The following PAFAH1B1 variants were observed in gnomAD, a reference collection of about 807,000 sequenced individuals.
PAFAH1B1 encodes the protein platelet-activating factor acetylhydrolase IB subunit beta.
PAFAH1B1 carries 2 observed loss-of-function variants against 57.5 expected under a neutral mutation model. The observed-to-expected ratio is 0.03, with a 90% CI of 0.01 to 0.11. PAFAH1B1 has a LOEUF of 0.11. Ranked by LOEUF, PAFAH1B1 falls within the 10% of genes least tolerant of loss-of-function variation. The pLI is 1.00. For missense variants in PAFAH1B1, 257 were observed against 512.0 expected (o/e 0.50, Z 4.81); for synonymous variants, 152 against 169.6 (o/e 0.90, Z 0.81).
At chr17:2,622,838 T>G (rs571054969) in intron 1 of PAFAH1B1, among the ~76,000 whole-genome samples, 1 of 152,378 alleles carries the variant, frequency 6.6e-6, no homozygotes, top group East Asian at 1.9e-4. Context: ...TGCCTGGGCA[T>G]CTGGACGTTT....
chr17:2,600,985 G>C (rs1364991810), intron 1 of PAFAH1B1, among the ~76,000 whole-genome samples: 1 of 152,026 alleles, frequency 6.6e-6, no homozygotes, highest in Admixed American at 6.6e-5. Flanking sequence ...ACCCACTTCA[G>C]TGTCTGAAAG....
chr17:2,625,897 A>G (rs548911460), intron 1 of PAFAH1B1, among the ~76,000 whole-genome samples: 1 of 152,210 alleles, frequency 6.6e-6, no homozygotes, highest in African/African-American at 2.4e-5. Context: ...ATGATCGATC[A>G]TGCCATTGCT....
intron 1 of PAFAH1B1, among the ~76,000 whole-genome samples, chr17:2,606,488 G>A (rs557456180): frequency 6.6e-6 from 1 of 151,906 alleles, no homozygotes; most frequent in African/African-American, 2.4e-5. Flanking sequence ...TCAGCATCCT[G>A]AGTAGCTGGA....
chr17:2,636,236 C>G (rs2068623450), intron 1 of PAFAH1B1, among the ~76,000 whole-genome samples: 2 of 152,158 alleles, frequency 1.3e-5, no homozygotes, highest in Non-Finnish European at 2.9e-5. Context: ...CTGATTCCAA[C>G]CATATTTCTC....
intron 6 of PAFAH1B1, among the ~76,000 whole-genome samples, chr17:2,671,171 G>A (rs2069174807): frequency 6.6e-6 from 1 of 151,934 alleles, no homozygotes; most frequent in South Asian, 2.1e-4. Flanking sequence ...ATAATTACAG[G>A]AATTCCACGC....
chr17:2,598,578 C>T (rs1177616348), intron 1 of PAFAH1B1, among the ~76,000 whole-genome samples: 1 of 150,558 alleles, frequency 6.6e-6, no homozygotes. Flanking sequence ...TTTATTATGT[C>T]ATCTACAGTA....
Position 2,683,077 on chromosome 17 carries a change from T to G in PAFAH1B1, c.*1275T>G, listed in dbSNP as rs1420176208. The G allele has an allele frequency of 2.0e-5, 3 of 152,276 alleles. No individual in the cohort carries two copies. The highest frequency in any genetic ancestry group is 4.4e-5 in the Non-Finnish European group (3 of 68,042). 9.4% of individuals were successfully genotyped at this position (152,276 alleles called of 1,614,324 possible). A position where few individuals can be genotyped will look rare whatever the true frequency, so the allele number is the denominator to read the frequency against. On this transcript the variant is annotated 3_prime_UTR_variant, in exon 11 of 11. Coordinates refer to ENST00000397195, the MANE Select transcript of PAFAH1B1 (RefSeq NM_000430.4). ...AACAAACCCTTTTTGATCTTAATGC[T>G]TCTGAAAACTAGGTCTGACTCTGGG...
chr17:2,607,572 C>T (rs1351634696), intron 1 of PAFAH1B1, among the ~76,000 whole-genome samples: 1 of 151,976 alleles, frequency 6.6e-6, no homozygotes, highest in Non-Finnish European at 1.5e-5. Flanking sequence ...GCAGCCTCCA[C>T]CTCCCAGGTT....
At chr17:2,671,189 CTG>C (rs1375322251) in intron 6 of PAFAH1B1, among the ~76,000 whole-genome samples, 1 of 151,896 alleles carries the variant, frequency 6.6e-6, no homozygotes, top group Admixed American at 6.6e-5. Flanking sequence ...CGCATGAACA[CTG>C]TTTTTTTGTT....
intron 1 of PAFAH1B1, among the ~76,000 whole-genome samples, chr17:2,631,553 C>T (rs887041489): frequency 5.9e-5 from 9 of 152,184 alleles, no homozygotes; most frequent in African/African-American, 2.2e-4. Context: ...CATCCTCTAT[C>T]CCTGCATTTT....
intron 1 of PAFAH1B1, among the ~76,000 whole-genome samples, chr17:2,616,929 C>T (rs1035372207): frequency 4.0e-5 from 6 of 151,844 alleles, no homozygotes; most frequent in Admixed American, 3.3e-4. Context: ...AAAAATTAGC[C>T]GGACCTGGTG....
intron 1 of PAFAH1B1, among the ~76,000 whole-genome samples, chr17:2,605,810 A>G (rs2068198975): frequency 6.6e-6 from 1 of 152,236 alleles, no homozygotes; most frequent in South Asian, 2.1e-4. Flanking sequence ...ATGCATTTAA[A>G]GAGCCTAGGA....
In PAFAH1B1 at chr17:2,671,596, C is replaced by CTT. The variant is rs1216997597; in HGVS notation, c.569-1039_569-1038dup. The stretch of plus-strand genomic sequence containing the variant: ...TTTTTTTTTTTACCCCCAACACCAC[C>CTT]TTTTTTTTTTTTTTTTTTTTTCTGG... On this transcript the variant is annotated intron_variant, in intron 6 of 10. Coordinates refer to ENST00000397195, the MANE Select transcript of PAFAH1B1 (RefSeq NM_000430.4). 2.1e-3 allele frequency among the ~76,000 whole-genome samples: 248 copies of CTT among 116,096 alleles called. 15 individuals are homozygous for CTT. Among genetic ancestry groups the CTT allele is most frequent in the African/African-American group, 5.7e-3 (138 of 24,184 alleles). The allele number at this position is 116,096 out of a possible 152,430, so 76.2% of individuals were successfully genotyped here.
chr17:2,657,792 G>A (rs1033260590), intron 2 of PAFAH1B1, among the ~76,000 whole-genome samples: 1 of 152,118 alleles, frequency 6.6e-6, no homozygotes, highest in Admixed American at 6.6e-5. Flanking sequence ...ATCCTAGGAG[G>A]CAAGGGACCA....
chr17:2,596,309 G>A (rs755223459), intron 1 of PAFAH1B1, among the ~76,000 whole-genome samples: 1 of 152,084 alleles, frequency 6.6e-6, no homozygotes, highest in Non-Finnish European at 1.5e-5. Context: ...GGGGGTACAG[G>A]AATACTGCAA....
chr17:2,596,170 CTG>C (rs751461237), intron 1 of PAFAH1B1, among the ~76,000 whole-genome samples: 281 of 151,438 alleles, frequency 1.9e-3, no homozygotes, highest in African/African-American at 6.0e-3. Context: ...TTATTTGTCC[CTG>C]TGTGTGTGTG....
At chr17:2,666,968 C>G in intron 4 of PAFAH1B1, 24 bp from the exon 5 acceptor site, 1 of 1,545,842 alleles carries the variant, frequency 6.5e-7, no homozygotes, top group South Asian at 1.1e-5. Flanking sequence ...TCTATCTGTA[C>G]GTAACTACAT....
chr17:2,638,808 G>A (rs1403406409), intron 2 of PAFAH1B1, among the ~76,000 whole-genome samples: 4 of 150,796 alleles, frequency 2.7e-5, no homozygotes, highest in Non-Finnish European at 4.4e-5. Flanking sequence ...TTGCCCGGCC[G>A]TGATACAGCA....
At chr17:2,600,657 T>TA (rs1309959285) in intron 1 of PAFAH1B1, among the ~76,000 whole-genome samples, 2 of 152,038 alleles carry the variant, frequency 1.3e-5, no homozygotes, top group African/African-American at 2.4e-5. Flanking sequence ...TTTTATTTTA[T>TA]AAAAAATATG....
Sources: allele counts gnomAD v4.1 joint callset (sites outside exome capture counted in the v4.1 genomes callset), GRCh38; gene constraint gnomAD v4.1.1; transcripts MANE v1.5; gene names NCBI Gene and HGNC (gene_info 2026-07-23, HGNC 2026-07-21).